USP42: variants seen among roughly 807,000 people sequenced by gnomAD.
USP42 encodes the protein ubiquitin specific peptidase 42, also known as ubiquitin carboxyl-terminal hydrolase 42.
Under a neutral mutation model 113.0 loss-of-function variants are expected in USP42, and 23 were observed. The ratio of observed to expected loss-of-function variants is 0.20; its 90% CI spans 0.15 to 0.29. USP42 has a LOEUF of 0.29. Among genes scored for constraint, USP42 ranks in the 10% least tolerant of loss-of-function variants. The pLI is 1.00. For synonymous variants in USP42, 933 were observed against 699.0 expected, an observed-to-expected ratio of 1.33 and a Z score of -5.28; for missense variants, 2,174 against 1,779.8, an observed-to-expected ratio of 1.22 and a Z score of -3.99.
chr7:6,120,090 G>C (rs1439208646), intron 3 of USP42, among the ~76,000 whole-genome samples: 1 of 152,074 alleles, frequency 6.6e-6, no homozygotes, highest in Non-Finnish European at 1.5e-5. Flanking sequence ...TCAGCTTCCT[G>C]AGTGGTTGGG....
At chr7:6,148,532 A>G (rs1223972911) in intron 12 of USP42, among the ~76,000 whole-genome samples, 3 of 152,184 alleles carry the variant, frequency 2.0e-5, no homozygotes, top group Non-Finnish European at 4.4e-5. Context: ...GTTTACAAGA[A>G]CACGTTTGTT....
At chr7:6,145,447 C>T in intron 9 of USP42, 69 bp from the exon 10 acceptor site, 4 of 1,595,354 alleles carry the variant, frequency 2.5e-6, no homozygotes, top group Non-Finnish European at 3.4e-6. Flanking sequence ...GCTCTAAGTA[C>T]CCTCTACCTG....
intron 3 of USP42, among the ~76,000 whole-genome samples, chr7:6,120,252 C>T (rs1275667627): frequency 1.3e-5 from 2 of 152,186 alleles, no homozygotes; most frequent in Non-Finnish European, 2.9e-5. Flanking sequence ...GCGTGAGCCA[C>T]TGCGCCCGGC....
chr7:6,086,995 T>TGG, the USP42 span, among the ~76,000 whole-genome samples: 1 of 150,232 alleles, frequency 6.7e-6, no homozygotes, highest in Non-Finnish European at 1.5e-5. Context: ...CCCAAAGAGC[T>TGG]GGGATTACAG....
rs559005905 is a variant in USP42, at chr7:6,152,910, G to A, written c.2202-846G>A. On this transcript the variant is annotated intron_variant, in intron 14 of 17. Coordinates refer to ENST00000306177, the MANE Select transcript of USP42 (RefSeq NM_032172.3). Reference sequence around the variant, plus strand: ...CAAGAGAAATCAGAGAAAGGGAGTCGAGAGGAAAGGAGGAGGCCCTGTCAT... The same window carrying A: ...CAAGAGAAATCAGAGAAAGGGAGTCAAGAGGAAAGGAGGAGGCCCTGTCAT... The A allele has an allele frequency of 2.5e-5, 25 of 985,224 alleles. 1 individual carries two copies. In the East Asian group the frequency reaches 5.7e-4, roughly 22 times the overall value. The allele number at this position is 985,224 out of a possible 1,614,324, so 61.0% of individuals were successfully genotyped here. A position where few individuals can be genotyped will look rare whatever the true frequency, so the allele number is the denominator to read the frequency against.
intron 15 of USP42, among the ~76,000 whole-genome samples, chr7:6,155,890 C>G (rs950816713): frequency 2.0e-5 from 3 of 152,098 alleles, no homozygotes; most frequent in Admixed American, 6.5e-5. Flanking sequence ...TCTGGAGTAG[C>G]CGGGACTGCA....
In USP42 at chr7:6,139,532, C is replaced by G. The variant is rs1439778412; in HGVS notation, c.656+338C>G. ...CTAGTTGTGCCTGACATTTTCTTTT[C>G]TCTGCTGCCCTCCAGCCTGTGTTTA... On this transcript the variant is annotated intron_variant, in intron 5 of 17. Transcript: ENST00000306177. This position sits in a 1 kb window ranked among gnomAD's most constrained non-coding sequence, Gnocchi z 4.5. The G allele has an allele frequency of 4.7e-6, 1 of 213,184 alleles. No homozygotes were observed. Among genetic ancestry groups the G allele is most frequent in the Non-Finnish European group, 9.2e-6 (1 of 108,232 alleles). 13.2% of individuals were successfully genotyped at this position (213,184 alleles called of 1,614,324 possible).
At chr7:6,146,602 C>T (rs1324972855) in intron 11 of USP42, among the ~76,000 whole-genome samples, 5 of 152,022 alleles carry the variant, frequency 3.3e-5, no homozygotes, top group Non-Finnish European at 7.4e-5. Context: ...GAGGCCGAGG[C>T]TGCAGTAAGC....
intron 3 of USP42, among the ~76,000 whole-genome samples, chr7:6,122,514 C>T (rs529751307): frequency 2.9e-4 from 44 of 151,998 alleles, no homozygotes; most frequent in African/African-American, 9.9e-4. Flanking sequence ...TCTGTTGCCA[C>T]GCTGGAGTGC....
chr7:6,088,487 A>G, the USP42 span, among the ~76,000 whole-genome samples: 1 of 151,090 alleles, frequency 6.6e-6, no homozygotes, highest in Non-Finnish European at 1.5e-5. Context: ...GGAACTCCTG[A>G]GTTCAGGTGA....
rs747150685 is a variant in USP42, at chr7:6,140,241, T to TA, written c.724+52dup. ...TGATAAAATGATACACACATGTGGT[T>TA]AAAAAATGGTAATAGTAGGACAGGG... On this transcript the variant is annotated intron_variant, in intron 6 of 17. Coordinates refer to ENST00000306177, the MANE Select transcript of USP42 (RefSeq NM_032172.3). The TA allele has an allele frequency of 1.2e-4, 187 of 1,532,750 alleles. 1 individual carries two copies. The highest frequency in any genetic ancestry group is 1.1e-5 in the South Asian group (1 of 88,836). The allele number at this position is 1,532,750 out of a possible 1,614,324, so 94.9% of individuals were successfully genotyped here.
Position 6,155,095 on chromosome 7 carries a change from A to G in USP42, c.3541A>G (p.Ser1181Gly). The G allele has an allele frequency of 6.4e-7, 1 of 1,560,326 alleles. No individual in the cohort carries two copies. Among genetic ancestry groups the G allele is most frequent in the Middle Eastern group, 1.7e-4 (1 of 6,004 alleles). ...TCATGTTGAAAAGAAAGCCCGGAGG[A>G]GCGAACAGAAGGATCCTCTAGAAGA... The part of the protein sequence containing the change: ...DSHVEKKARR[S>G]EQKDPLEEPK... The change falls in exon 15 of 18, where the codon AGC (serine) becomes GGC (glycine). Residue 1181 changes from serine (S) to glycine (G), a missense_variant. Transcript: ENST00000306177.
upstream of USP42, among the ~76,000 whole-genome samples, chr7:6,102,685 C>G (rs1033919733): frequency 6.6e-6 from 1 of 150,740 alleles, no homozygotes; most frequent in Non-Finnish European, 1.5e-5. Context: ...GGGCTTTCTA[C>G]AAGCAGATGT....
chr7:6,098,293 T>G, the USP42 span, among the ~76,000 whole-genome samples: 1 of 150,214 alleles, frequency 6.7e-6, no homozygotes, highest in Non-Finnish European at 1.5e-5. Context: ...AGATCTGTAT[T>G]AAAGGAAAGT....
chr7:6,125,204 A>AG lies in USP42; in HGVS notation c.442+9681_442+9682insG, dbSNP rs1425244200. Reference sequence around the variant, plus strand: ...TCAACAAAAAAAAAAAAAAAAAAAAACAGGCAGGATGCAGTGGCTCATGCC... The same window carrying AG: ...TCAACAAAAAAAAAAAAAAAAAAAAAGCAGGCAGGATGCAGTGGCTCATGCC... On this transcript the variant is annotated intron_variant, in intron 3 of 17. Coordinates refer to ENST00000306177, the MANE Select transcript of USP42 (RefSeq NM_032172.3). 2.1e-5 allele frequency among the ~76,000 whole-genome samples: 3 copies of AG among 142,090 alleles called. No individual in the cohort carries two copies. The East Asian group carries it at 6.4e-4, about 30-fold the overall frequency. 93.2% of individuals were successfully genotyped at this position (142,090 alleles called of 152,430 possible). A position where few individuals can be genotyped will look rare whatever the true frequency, so the allele number is the denominator to read the frequency against.
chr7:6,111,876 G>T (rs1429087516), intron 2 of USP42: 1 of 153,066 alleles, frequency 6.5e-6, no homozygotes, highest in African/African-American at 2.4e-5. Flanking sequence ...GCGTCCTGAA[G>T]TGCTGGGATT....
intron 2 of USP42, among the ~76,000 whole-genome samples, chr7:6,114,046 C>A (rs1039134689): frequency 1.3e-5 from 2 of 152,158 alleles, no homozygotes; most frequent in Non-Finnish European, 2.9e-5. Context: ...GTTCCATTAT[C>A]ATACTTAGTT....
intron 11 of USP42, 45 bp downstream of exon 11, chr7:6,146,293 T>G (rs1362714777): frequency 8.5e-7 from 1 of 1,176,122 alleles, no homozygotes; most frequent in Non-Finnish European, 1.2e-6. Flanking sequence ...GTATGTCATT[T>G]CTTCTTGTCT....
At chr7:6,115,952 A>T (rs923332140) in intron 3 of USP42, among the ~76,000 whole-genome samples, 2 of 152,018 alleles carry the variant, frequency 1.3e-5, no homozygotes, top group African/African-American at 4.8e-5. Context: ...TAAAAATAAA[A>T]ATTAGTCTAG....
Sources: allele counts gnomAD v4.1 joint callset (sites outside exome capture counted in the v4.1 genomes callset), GRCh38; gene constraint gnomAD v4.1.1; non-coding constraint Gnocchi (gnomAD v3.1); transcripts MANE v1.5; gene names NCBI Gene and HGNC (gene_info 2026-07-23, HGNC 2026-07-21).